The following CTIF variants were observed in gnomAD, a reference collection of about 807,000 sequenced individuals.
CTIF encodes CBP80/20-dependent translation initiation factor.
Under a neutral mutation model 66.0 loss-of-function variants are expected in CTIF, and 21 were observed. That is an observed-to-expected ratio of 0.32 (90% CI 0.23 to 0.46). CTIF has a LOEUF of 0.46. CTIF is among the 20% of genes least tolerant of loss of function. CTIF has a pLI of 1.00. For synonymous variants in CTIF, 345 were observed against 326.4 expected (o/e 1.06, Z -0.62); for missense variants, 739 against 812.7 (o/e 0.91, Z 1.10).
intron 1 of CTIF, among the ~76,000 whole-genome samples, chr18:48,579,819 C>T (rs1457355667): frequency 6.6e-6 from 1 of 152,208 alleles, no homozygotes; most frequent in Non-Finnish European, 1.5e-5. Context: ...ATCAAAAAAC[C>T]CCACATTAGT....
In CTIF at chr18:48,603,369, AGATG is replaced by A. The variant is rs754747962; in HGVS notation, c.-28-16145_-28-16142del. On this transcript the variant is annotated intron_variant, in intron 1 of 11. Coordinates refer to ENST00000256413, the MANE Select transcript of CTIF (RefSeq NM_014772.3). ...GGGATGGACGGCTAGATAGGTGGGT[AGATG>A]GATGGATGGATGGATGGATGGATAT... Among the ~76,000 whole-genome samples, 20 of 123,468 alleles carry A rather than the reference AGATG, an allele frequency of 1.6e-4. No individual in the cohort carries two copies. In the East Asian group the frequency reaches 3.7e-3, roughly 23 times the overall value. The allele number at this position is 123,468 out of a possible 152,430, so 81.0% of individuals were successfully genotyped here. A position where few individuals can be genotyped will look rare whatever the true frequency, so the allele number is the denominator to read the frequency against.
chr18:48,796,065 G>A (rs1457351195), intron 9 of CTIF, among the ~76,000 whole-genome samples: 3 of 152,138 alleles, frequency 2.0e-5, no homozygotes, highest in Non-Finnish European at 2.9e-5. Context: ...GCATGATCTC[G>A]GCTCACTGCA....
intron 1 of CTIF, among the ~76,000 whole-genome samples, chr18:48,577,996 A>C (rs2089572053): frequency 6.6e-6 from 1 of 152,236 alleles, no homozygotes; most frequent in South Asian, 2.1e-4. Context: ...CAGCTTCCTC[A>C]GCCCTAGGCA....
intron 6 of CTIF, among the ~76,000 whole-genome samples, chr18:48,692,874 T>C (rs1427039583): frequency 3.3e-5 from 5 of 152,330 alleles, no homozygotes; most frequent in African/African-American, 1.2e-4. Flanking sequence ...CCTCAGGTCA[T>C]TATACTGTGC....
intron 9 of CTIF, among the ~76,000 whole-genome samples, chr18:48,806,795 C>T (rs1261865601): frequency 6.6e-6 from 1 of 152,124 alleles, no homozygotes; most frequent in African/African-American, 2.4e-5. Context: ...TCCCAGAATG[C>T]CTTGAGAAAC....
intron 6 of CTIF, among the ~76,000 whole-genome samples, chr18:48,700,255 C>A (rs2092065016): frequency 6.6e-6 from 1 of 152,230 alleles, no homozygotes; most frequent in Non-Finnish European, 1.5e-5. Context: ...CTTTGTTCGT[C>A]CTTTGCCTTC....
intron 3 of CTIF, among the ~76,000 whole-genome samples, chr18:48,654,740 A>G (rs2091215130): frequency 6.6e-6 from 1 of 152,268 alleles, no homozygotes; most frequent in Admixed American, 6.5e-5. Flanking sequence ...TCTACCAGTG[A>G]TAGACTGGAT....
At chr18:48,709,504 G>A (rs190924599) in intron 6 of CTIF, among the ~76,000 whole-genome samples, 1 of 152,366 alleles carries the variant, frequency 6.6e-6, no homozygotes, top group Admixed American at 6.5e-5. Context: ...CTGGGCTCGT[G>A]TTACACTAGG....
At chr18:48,606,525 T>C (rs74657726) in intron 1 of CTIF, among the ~76,000 whole-genome samples, 3,093 of 152,304 alleles carry the variant, frequency 0.02, 108 homozygotes, top group African/African-American at 0.071. Context: ...TGAGGCCCAG[T>C]GCCACCCTCC....
chr18:48,759,909 C>T (rs1358018255), intron 8 of CTIF, among the ~76,000 whole-genome samples: 1 of 152,174 alleles, frequency 6.6e-6, no homozygotes, highest in East Asian at 1.9e-4. Context: ...GGCTCAGGCT[C>T]AGGCTGGGTC....
chr18:48,812,284 C>CAACTGCAGCATTGAATTTTTTAAG (rs1212401973), intron 9 of CTIF, among the ~76,000 whole-genome samples: 1 of 152,174 alleles, frequency 6.6e-6, no homozygotes, highest in East Asian at 1.9e-4. Flanking sequence ...TTTTTCATAG[C>CAACTGCAGCATTGAATTTTTTAAG]AACTGCAGCA....
At chr18:48,576,543 AC>A (rs769435859) in intron 1 of CTIF, among the ~76,000 whole-genome samples, 4 of 152,104 alleles carry the variant, frequency 2.6e-5, no homozygotes, top group Non-Finnish European at 5.9e-5. Context: ...GCCAACACAA[AC>A]AGCAGAAATA....
rs528434525 is a variant in CTIF at position 48,699,442 on chromosome 18, G to A, written c.508-12177G>A. Among the ~76,000 whole-genome samples, 371 of 152,254 alleles carry A rather than the reference G, an allele frequency of 2.4e-3. 2 individuals carry two copies. Among genetic ancestry groups the A allele is most frequent in the African/African-American group, 8.7e-3 (360 of 41,510 alleles). On this transcript the variant is annotated intron_variant, in intron 6 of 11. Coordinates refer to ENST00000256413, the MANE Select transcript of CTIF (RefSeq NM_014772.3). ...TGGGGCTGGGGCTGGGGCTGGAGCC[G>A]GGTGGTGCAGGTCTGTGTGGAGGAA...
chr18:48,711,126 T>C (rs766950151), intron 6 of CTIF, among the ~76,000 whole-genome samples: 1 of 152,200 alleles, frequency 6.6e-6, no homozygotes, highest in Non-Finnish European at 1.5e-5. Context: ...AAATTTCCTC[T>C]TCACAGGGCT....
intron 2 of CTIF, among the ~76,000 whole-genome samples, chr18:48,624,085 C>T (rs1198907567): frequency 6.8e-6 from 1 of 146,922 alleles, no homozygotes; most frequent in African/African-American, 2.5e-5. Context: ...TGTTTGACAC[C>T]ACGCCCCTCC....
chr18:48,771,979 T>C (rs2145971037), intron 9 of CTIF, among the ~76,000 whole-genome samples: 1 of 152,362 alleles, frequency 6.6e-6, no homozygotes, highest in Middle Eastern at 3.4e-3. Flanking sequence ...CTGCGGGTTA[T>C]GTAACTGCTC....
intron 3 of CTIF, among the ~76,000 whole-genome samples, chr18:48,647,698 C>G (rs1204803958): frequency 6.6e-6 from 1 of 152,146 alleles, no homozygotes; most frequent in East Asian, 1.9e-4. Context: ...CACATAGAAA[C>G]AGGAAAGGGA....
intron 1 of CTIF, among the ~76,000 whole-genome samples, chr18:48,572,893 C>T (rs566095342): frequency 3.9e-5 from 6 of 152,024 alleles, no homozygotes; most frequent in African/African-American, 4.8e-5. Context: ...CTCAGGAGGC[C>T]GAGGTGGGAG....
chr18:48,664,341 C>T (rs1445302542), intron 4 of CTIF, 106 bp from the exon 5 acceptor site: 2 of 1,006,672 alleles, frequency 2.0e-6, no homozygotes, highest in Non-Finnish European at 3.1e-6. Context: ...CCTGGCGGCT[C>T]CTTTCTGCGG....
Sources: allele counts gnomAD v4.1 joint callset (sites outside exome capture counted in the v4.1 genomes callset), GRCh38; gene constraint gnomAD v4.1.1; transcripts MANE v1.5; gene names NCBI Gene and HGNC (gene_info 2026-07-23, HGNC 2026-07-21).